The following C3orf22 variants were observed in gnomAD, a reference collection of about 807,000 sequenced individuals.
The protein encoded by C3orf22 is uncharacterized protein C3orf22.
A neutral mutation model predicts 10.8 loss-of-function variants in C3orf22; 7 were observed. The observed-to-expected ratio is 0.65, with a 90% CI of 0.37 to 1.22. The LOEUF is 1.22. Ranked by LOEUF, C3orf22 falls within the 50% of genes most tolerant of loss-of-function variation. C3orf22 has a pLI of 0.02. For missense variants in C3orf22, 173 were observed against 177.0 expected (o/e 0.98, Z 0.13); for synonymous variants, 79 against 78.9 (o/e 1.00, Z 0.00).
At position 126,536,896 on chromosome 3, in the gene C3orf22, A is replaced by C. The variant is rs201898971; in HGVS notation, c.287-7524T>G. ...TCTCTCTTTCTCACACACACACACA[A>C]ACACACACACACACACACACACACA... is the stretch of plus-strand genomic sequence containing the variant. On this transcript the variant is annotated intron_variant and NMD_transcript_variant, in intron 4 of 5. Transcript: ENST00000505070. 1.4e-3 allele frequency among the ~76,000 whole-genome samples: 191 copies of C among 140,474 alleles called. 1 individual carries two copies. The highest frequency in any genetic ancestry group is 4.9e-3 in the South Asian group (20 of 4,070). The allele number at this position is 140,474 out of a possible 152,430, so 92.2% of individuals were successfully genotyped here.
At chr3:126,542,469 G>A (rs1232499302) in intron 4 of C3orf22, 4 of 1,578,004 alleles carry the variant, frequency 2.5e-6, no homozygotes, top group Non-Finnish European at 3.4e-6. Context: ...CTGGCAGCGC[G>A]CCTCTTCCGG....
At chr3:126,557,814 C>A (rs1937387083) in intron 1 of C3orf22, among the ~76,000 whole-genome samples, 1 of 152,254 alleles carries the variant, frequency 6.6e-6, no homozygotes, top group African/African-American at 2.4e-5. Context: ...GGGCAGGCTT[C>A]CCCACTGACT....
At chr3:126,547,293 T>G (rs565695885), downstream of C3orf22, among the ~76,000 whole-genome samples, 3 of 152,306 alleles carry the variant, frequency 2.0e-5, no homozygotes, top group East Asian at 5.8e-4. Context: ...CTGCACCATC[T>G]CTCTCCTGTC....
At chr3:126,554,677 C>T (rs1937285937) in intron 1 of C3orf22, among the ~76,000 whole-genome samples, 1 of 152,198 alleles carries the variant, frequency 6.6e-6, no homozygotes, top group Non-Finnish European at 1.5e-5. Flanking sequence ...GTCACCTGTT[C>T]CTTCTCACTG....
At chr3:126,556,366 C>CTG (rs1937329393) in intron 1 of C3orf22, among the ~76,000 whole-genome samples, 2 of 152,166 alleles carry the variant, frequency 1.3e-5, no homozygotes, top group Admixed American at 1.3e-4. Context: ...CCCACAGCAG[C>CTG]CTGTGGGGGC....
intron 4 of C3orf22, among the ~76,000 whole-genome samples, chr3:126,543,605 G>A (rs1400134776): frequency 6.6e-6 from 1 of 152,198 alleles, no homozygotes; most frequent in Non-Finnish European, 1.5e-5. Context: ...GCCAAGCCCT[G>A]GGCCTTGTGC....
downstream of C3orf22, among the ~76,000 whole-genome samples, chr3:126,545,590 A>G (rs1364189909): frequency 6.6e-6 from 1 of 152,238 alleles, no homozygotes; most frequent in Admixed American, 6.5e-5. Flanking sequence ...TTTTGGAAGC[A>G]CAGCCGAATG....
chr3:126,557,512 G>A (rs1490141270), intron 1 of C3orf22, among the ~76,000 whole-genome samples: 3 of 152,204 alleles, frequency 2.0e-5, no homozygotes, highest in Admixed American at 6.5e-5. Context: ...CTCTGAGGGC[G>A]GGGTACTGGG....
intron 4 of C3orf22, chr3:126,536,340 A>G (rs1226038887): frequency 8.7e-6 from 14 of 1,613,682 alleles, no homozygotes; most frequent in Non-Finnish European, 1.2e-5. Context: ...CAGAAGCTCT[A>G]TGACCTGGAT....
intron 4 of C3orf22, among the ~76,000 whole-genome samples, chr3:126,539,706 C>CAT (rs1936890773): frequency 9.0e-6 from 1 of 111,654 alleles, no homozygotes; most frequent in Non-Finnish European, 1.9e-5. Context: ...ACACCACACA[C>CAT]ATATGCCACA....
chr3:126,541,700 G>A (rs1432367583), intron 4 of C3orf22: 5 of 1,412,190 alleles, frequency 3.5e-6, no homozygotes, highest in African/African-American at 3.0e-5. Context: ...CTGCCCTGAC[G>A]CGTCCCCCTG....
chr3:126,551,855 C>T (rs1256405892), intron 3 of C3orf22, 142 bp downstream of exon 3: 1 of 913,472 alleles, frequency 1.1e-6, no homozygotes, highest in Non-Finnish European at 1.6e-6. Flanking sequence ...TAGCATCCCC[C>T]TTCTCTGCCT....
At chr3:126,527,719 A>G (rs1936566508) in exon 6 of C3orf22, 1 of 152,234 alleles carries the variant, frequency 6.6e-6, no homozygotes, top group Non-Finnish European at 1.5e-5. Flanking sequence ...AGGGAGGGGA[A>G]GTGGCTGCTG....
At chr3:126,553,540 C>A in intron 1 of C3orf22, 110 bp from the exon 2 acceptor site, 1 of 694,822 alleles carries the variant, frequency 1.4e-6, no homozygotes, top group South Asian at 1.6e-5. Context: ...AAATGACCTG[C>A]ATCACTGCCC....
chr3:126,543,729 AGT>A (rs773042215), intron 4 of C3orf22, among the ~76,000 whole-genome samples: 13 of 140,068 alleles, frequency 9.3e-5, no homozygotes, highest in South Asian at 6.5e-4. Context: ...TGTGTGCATG[AGT>A]GTGTGAGAGG....
intron 4 of C3orf22, among the ~76,000 whole-genome samples, chr3:126,535,041 C>T (rs553276826): frequency 1.5e-5 from 2 of 132,988 alleles, no homozygotes; most frequent in East Asian, 2.5e-4. Context: ...CACACAGCAT[C>T]GCTGTCCTCA....
chr3:126,550,535 C>A (rs945022012), intron 3 of C3orf22, among the ~76,000 whole-genome samples: 5 of 152,220 alleles, frequency 3.3e-5, no homozygotes, highest in Non-Finnish European at 7.3e-5. Context: ...CAGGACCCAG[C>A]ATGCCACCCA....
downstream of C3orf22, among the ~76,000 whole-genome samples, chr3:126,546,535 G>A (rs1457825601): frequency 2.6e-5 from 4 of 152,086 alleles, no homozygotes; most frequent in Non-Finnish European, 1.5e-5. Flanking sequence ...CATAAGCAGA[G>A]CCACTGGAGA....
chr3:126,541,571 C>G (rs983484242), intron 4 of C3orf22, among the ~76,000 whole-genome samples: 1 of 152,206 alleles, frequency 6.6e-6, no homozygotes, highest in African/African-American at 2.4e-5. Context: ...TGCCCGGGCC[C>G]TAAACCACAC....
Sources: gnomAD v4.1 joint callset for allele counts (sites outside exome capture counted in the v4.1 genomes callset) on GRCh38, gnomAD v4.1.1 for gene constraint, MANE v1.5 for transcripts, NCBI Gene and HGNC (gene_info 2026-07-23, HGNC 2026-07-21) for gene names.